The following RAB5A variants were observed in gnomAD, a reference collection of about 807,000 sequenced individuals.
RAB5A encodes RAB5A, member RAS oncogene family, also known as ras-related protein Rab-5A.
In RAB5A, 8 loss-of-function variants were observed where a neutral mutation model predicts 25.7. The ratio of observed to expected loss-of-function variants is 0.31; its 90% confidence interval spans 0.18 to 0.56. The LOEUF (loss-of-function observed/expected upper bound fraction) is 0.56, where lower values mean the gene tolerates loss of function less well. RAB5A is among the 20% of genes least tolerant of loss of function. The pLI is 0.91. For synonymous variants in RAB5A, 98 were observed against 89.8 expected (o/e 1.09, Z -0.52); for missense variants, 192 against 259.7 (o/e 0.74, Z 1.79).
chr3:19,951,439 A>G (rs991085321), intron 2 of RAB5A, among the ~76,000 whole-genome samples: 2 of 152,202 alleles, frequency 1.3e-5, no homozygotes, highest in African/African-American at 4.8e-5. Flanking sequence ...AAAAAAGGTA[A>G]CCTTAAATTC....
intron 1 of RAB5A, among the ~76,000 whole-genome samples, chr3:19,948,457 C>T (rs558147070): frequency 6.6e-6 from 1 of 152,204 alleles, no homozygotes; most frequent in Non-Finnish European, 1.5e-5. Flanking sequence ...AGTGCCCAGT[C>T]AATTTTTTGA....
At chr3:19,951,669 G>A (rs1696424087) in intron 2 of RAB5A, among the ~76,000 whole-genome samples, 1 of 147,520 alleles carries the variant, frequency 6.8e-6, no homozygotes, top group South Asian at 2.1e-4. Flanking sequence ...CAAGTAGTTG[G>A]ACCTAAGGGT....
At chr3:19,960,830 T>C (rs1696574296) in intron 2 of RAB5A, among the ~76,000 whole-genome samples, 1 of 152,200 alleles carries the variant, frequency 6.6e-6, no homozygotes, top group Non-Finnish European at 1.5e-5. Flanking sequence ...TAGTTATTCA[T>C]GGTTTTTTAA....
chr3:19,954,902 C>CCG (rs1696477479), intron 2 of RAB5A, among the ~76,000 whole-genome samples: 1 of 152,186 alleles, frequency 6.6e-6, no homozygotes, highest in Non-Finnish European at 1.5e-5. Flanking sequence ...AAATTGCGTG[C>CCG]CGTAGATTTA....
At chr3:19,983,679 A>T in intron 5 of RAB5A, 29 bp from the exon 6 acceptor site, 1 of 1,433,346 alleles carries the variant, frequency 7.0e-7, no homozygotes. Context: ...GTATTCAAAT[A>T]TTCTATTTAT....
intron 1 of RAB5A, among the ~76,000 whole-genome samples, chr3:19,949,312 C>T (rs1265019451): frequency 6.6e-6 from 1 of 152,204 alleles, no homozygotes; most frequent in Middle Eastern, 3.4e-3. Flanking sequence ...GAACTAAGAT[C>T]TCGTGGACAT....
Position 19,984,092 on chromosome 3 carries a change from A to G in RAB5A, c.*269A>G. ...AGGTTAGGGGGAATAATTTCTCATC[A>G]CTAGGAATATAGACAAATGACTGTC... is the stretch of plus-strand genomic sequence containing the variant. On this transcript the variant is annotated 3_prime_UTR_variant, in exon 6 of 6. Transcript: ENST00000273047. 1 of 415,634 alleles carries G rather than the reference A, an allele frequency of 2.4e-6. No individual in the cohort carries two copies. 25.7% of individuals were successfully genotyped at this position (415,634 alleles called of 1,614,324 possible). A position where few individuals can be genotyped will look rare whatever the true frequency, so the allele number is the denominator to read the frequency against.
rs1314549659 is a variant in RAB5A, at chr3:19,950,865, A to T, written c.-34A>T. The T allele has an allele frequency of 3.8e-6, 6 of 1,584,700 alleles. No homozygotes were observed. The highest frequency in any genetic ancestry group is 5.2e-6 in the Non-Finnish European group (6 of 1,163,048). On this transcript the variant is annotated 5_prime_UTR_variant, in exon 2 of 6. Transcript: ENST00000273047. ...CTTGAATTCTGGAAGTTCATTGAAG[A>T]GTCTGAAATTAGGGACTTATTTCAA...
At chr3:19,964,224 C>T (rs1368070415) in intron 2 of RAB5A, among the ~76,000 whole-genome samples, 1 of 152,042 alleles carries the variant, frequency 6.6e-6, no homozygotes, top group Non-Finnish European at 1.5e-5. Flanking sequence ...GATAAAATGT[C>T]TTTTGTAGAT....
intron 2 of RAB5A, among the ~76,000 whole-genome samples, chr3:19,971,014 T>C (rs1696741496): frequency 6.6e-6 from 1 of 152,012 alleles, no homozygotes; most frequent in South Asian, 2.1e-4. Context: ...CTGGCCAACA[T>C]GGTGAAACCC....
At chr3:19,963,362 T>TCC (rs1205859042) in intron 2 of RAB5A, among the ~76,000 whole-genome samples, 36 of 38,610 alleles carry the variant, frequency 9.3e-4, no homozygotes, top group Non-Finnish European at 1.3e-3. Flanking sequence ...TCTTAGAATT[T>TCC]CACCCCCCCC....
chr3:19,953,834 A>G (rs1242923262), intron 2 of RAB5A, among the ~76,000 whole-genome samples: 2 of 152,192 alleles, frequency 1.3e-5, no homozygotes, highest in Non-Finnish European at 2.9e-5. Context: ...CTCTGTACTC[A>G]TAGCTCTTCA....
chr3:19,970,743 C>T, intron 2 of RAB5A: 1 of 369,968 alleles, frequency 2.7e-6, no homozygotes, highest in Non-Finnish European at 5.4e-6. Flanking sequence ...GTTAATGTTG[C>T]TACAGTATTG....
intron 2 of RAB5A, among the ~76,000 whole-genome samples, chr3:19,969,837 ACT>A (rs1451092385): frequency 6.6e-6 from 1 of 151,924 alleles, no homozygotes; most frequent in Non-Finnish European, 1.5e-5. Flanking sequence ...ACGGAGTCTC[ACT>A]CTGTCACCCA....
At chr3:19,978,560 C>G (rs1297620571) in intron 5 of RAB5A, 157 bp downstream of exon 5, 2 of 562,184 alleles carry the variant, frequency 3.6e-6, no homozygotes, top group African/African-American at 3.8e-5. Context: ...TACCACTTTT[C>G]TAAGTCCCTT....
At chr3:19,950,691 G>A (rs922489751) in intron 1 of RAB5A, 115 bp from the exon 2 acceptor site, 1 of 453,598 alleles carries the variant, frequency 2.2e-6, no homozygotes, top group Non-Finnish European at 3.9e-6. Context: ...AATCTAAAGG[G>A]CATTGAAGGT....
chr3:19,952,604 G>C (rs556843455), intron 2 of RAB5A, among the ~76,000 whole-genome samples: 65 of 152,120 alleles, frequency 4.3e-4, no homozygotes, highest in Middle Eastern at 3.2e-3. Flanking sequence ...CCTGGCCTTT[G>C]TATATCTTGT....
chr3:19,971,829 A>G (rs1696756625), intron 2 of RAB5A, among the ~76,000 whole-genome samples: 2 of 152,156 alleles, frequency 1.3e-5, no homozygotes, highest in Admixed American at 1.3e-4. Flanking sequence ...AGGTTGTGTT[A>G]CAACTTGAGT....
chr3:19,972,749 T>C (rs1358149690), intron 2 of RAB5A, among the ~76,000 whole-genome samples: 1 of 152,218 alleles, frequency 6.6e-6, no homozygotes, highest in Non-Finnish European at 1.5e-5. Flanking sequence ...GTAATGGGCA[T>C]TTGTTTGTCT....
Sources: gnomAD v4.1 joint callset for allele counts (sites outside exome capture counted in the v4.1 genomes callset) on GRCh38, gnomAD v4.1.1 for gene constraint, MANE v1.5 for transcripts, NCBI Gene and HGNC (gene_info 2026-07-23, HGNC 2026-07-21) for gene names.